The following ARHGAP40 variants were observed in gnomAD, a reference collection of about 807,000 sequenced individuals.
ARHGAP40 encodes the protein Rho GTPase activating protein 40.
ARHGAP40 carries 43 observed loss-of-function variants against 73.5 expected under a neutral mutation model. The observed-to-expected ratio is 0.58, with a 90% CI of 0.46 to 0.75. The LOEUF (loss-of-function observed/expected upper bound fraction) is 0.75, where lower values mean the gene tolerates loss of function less well. Among genes scored for constraint, ARHGAP40 ranks in the 30% least tolerant of loss-of-function variants. The pLI is 0.00. For synonymous variants in ARHGAP40, 300 were observed against 352.8 expected, an observed-to-expected ratio of 0.85 and a Z score of 1.68; for missense variants, 734 against 861.8, an observed-to-expected ratio of 0.85 and a Z score of 1.86.
chr20:38,637,009 G>A (rs766347148), intron 6 of ARHGAP40, among the ~76,000 whole-genome samples: 2 of 152,156 alleles, frequency 1.3e-5, no homozygotes, highest in African/African-American at 2.4e-5. Flanking sequence ...CTCAAGCCAG[G>A]GTGGTTAAGA....
intron 1 of ARHGAP40, among the ~76,000 whole-genome samples, chr20:38,616,741 C>T (rs2088841909): frequency 6.6e-6 from 1 of 152,128 alleles, no homozygotes; most frequent in African/African-American, 2.4e-5. Flanking sequence ...GTTTCTCAGC[C>T]AGAATGATGG....
intron 9 of ARHGAP40, among the ~76,000 whole-genome samples, chr20:38,640,156 CTTT>C (rs1568611166): frequency 1.5e-5 from 2 of 136,938 alleles, no homozygotes. Flanking sequence ...TCTTCCTCTT[CTTT>C]CTTCTTTCTT....
intron 1 of ARHGAP40, among the ~76,000 whole-genome samples, chr20:38,609,777 G>T (rs1214508023): frequency 6.6e-6 from 1 of 152,248 alleles, no homozygotes. Flanking sequence ...GTGCCTCTGA[G>T]AGGTACACGT....
intron 1 of ARHGAP40, among the ~76,000 whole-genome samples, chr20:38,622,611 A>G (rs373377386): frequency 6.6e-5 from 10 of 152,284 alleles, no homozygotes; most frequent in African/African-American, 2.4e-4. Flanking sequence ...TCAGGGCTCT[A>G]GGGGTAAACC....
intron 1 of ARHGAP40, among the ~76,000 whole-genome samples, chr20:38,621,726 C>T (rs1196261430): frequency 6.6e-6 from 1 of 152,160 alleles, no homozygotes; most frequent in Non-Finnish European, 1.5e-5. Context: ...ACAATAACTG[C>T]ATATTGATTT....
chr20:38,643,234 G>A (rs150887697), intron 10 of ARHGAP40, among the ~76,000 whole-genome samples: 6 of 152,188 alleles, frequency 3.9e-5, no homozygotes, highest in African/African-American at 1.4e-4. Flanking sequence ...TAAAGGCCCA[G>A]GAACACAAAG....
intron 1 of ARHGAP40, among the ~76,000 whole-genome samples, chr20:38,614,616 A>G (rs750726192): frequency 4.6e-5 from 7 of 152,162 alleles, no homozygotes; most frequent in African/African-American, 9.7e-5. Context: ...AGGAGACCCA[A>G]GCGGCTCTGC....
chr20:38,621,986 C>T (rs562382946), intron 1 of ARHGAP40, among the ~76,000 whole-genome samples: 95 of 152,158 alleles, frequency 6.2e-4, no homozygotes, highest in African/African-American at 2.2e-3. Flanking sequence ...GCCTGGGAGG[C>T]GGAGGTTGCC....
chr20:38,614,365 T>TC (rs1411964657), intron 1 of ARHGAP40, among the ~76,000 whole-genome samples: 64 of 152,318 alleles, frequency 4.2e-4, no homozygotes, highest in African/African-American at 1.5e-3. Context: ...TTTCTTTCTT[T>TC]TTTTTTGAGT....
intron 1 of ARHGAP40, among the ~76,000 whole-genome samples, chr20:38,612,260 A>G (rs2088808679): frequency 6.6e-6 from 1 of 152,244 alleles, no homozygotes; most frequent in Admixed American, 6.5e-5. Context: ...ATATATATTT[A>G]GATTTCATAA....
At chr20:38,604,823 A>G (rs1321788511) in intron 1 of ARHGAP40, among the ~76,000 whole-genome samples, 1 of 151,912 alleles carries the variant, frequency 6.6e-6, no homozygotes, top group East Asian at 1.9e-4. Flanking sequence ...GTTTTTTGTC[A>G]ACTAAAATTA....
chr20:38,635,056 AT>A (rs1463859518), intron 6 of ARHGAP40, among the ~76,000 whole-genome samples: 9 of 151,636 alleles, frequency 5.9e-5, no homozygotes, highest in Non-Finnish European at 1.0e-4. Context: ...TAATTTTTGT[AT>A]TTTTAGTACA....
chr20:38,629,515 G>A, exon 5 of ARHGAP40: 1 of 1,305,402 alleles, frequency 7.7e-7, no homozygotes, highest in Non-Finnish European at 1.0e-6. Context: ...CAGAGCCTGG[G>A]GGGCTGCAGG....
intron 11 of ARHGAP40, among the ~76,000 whole-genome samples, chr20:38,644,307 C>A (rs1042853911): frequency 3.3e-5 from 5 of 152,262 alleles, no homozygotes; most frequent in Non-Finnish European, 5.9e-5. Context: ...CTCCTGCCCC[C>A]ACCGTGAGCT....
exon 15 of ARHGAP40, chr20:38,650,242 G>T (rs1004367158): frequency 2.4e-6 from 1 of 420,514 alleles, no homozygotes; most frequent in Non-Finnish European, 4.9e-6. Flanking sequence ...CACTTGGGGC[G>T]CTTGGATCTC....
At position 38,639,317 on chromosome 20, in the gene ARHGAP40, AG is replaced by A. The variant is rs2088998747; in HGVS notation, c.1212del (p.Arg404SerfsTer28). 1 of 1,305,386 alleles carries A rather than the reference AG, an allele frequency of 7.7e-7. No homozygotes were observed. Among genetic ancestry groups the A allele is most frequent in the Admixed American group, 2.3e-5 (1 of 43,546 alleles). The allele number at this position is 1,305,386 out of a possible 1,614,324, so 80.9% of individuals were successfully genotyped here. A position where few individuals can be genotyped will look rare whatever the true frequency, so the allele number is the denominator to read the frequency against. ...CAATGACGCCTCTGATTTGCTCAAA[AG>A]GTTCATCCGGAAGCTGCCGACACCT... On this transcript the variant is annotated frameshift_variant, in exon 9 of 15. Transcript: ENST00000373345. LOFTEE classifies it high-confidence loss of function.
chr20:38,627,284 A>G (rs2088904116), intron 3 of ARHGAP40, 69 bp downstream of exon 3: 1 of 1,256,058 alleles, frequency 8.0e-7, no homozygotes, highest in African/African-American at 1.5e-5. Flanking sequence ...ACAGCCTGAG[A>G]GATGCAGTGA....
rs549710906 is a variant in ARHGAP40, at chr20:38,636,779, G to C, written c.950-929G>C. Among the ~76,000 whole-genome samples, 4 of 152,268 alleles carry C rather than the reference G, an allele frequency of 2.6e-5. No individual in the cohort carries two copies. In the East Asian group the frequency reaches 7.7e-4, roughly 29 times the overall value. ...TGAGATAATATTGCCCTTCAGCAGT[G>C]TATGAAAGTGTTCATTTCACTGCAG... On this transcript the variant is annotated intron_variant, in intron 6 of 14. Coordinates refer to ENST00000373345, the Ensembl canonical transcript of ARHGAP40.
intron 6 of ARHGAP40, among the ~76,000 whole-genome samples, chr20:38,636,591 T>C (rs1337945521): frequency 6.6e-6 from 1 of 152,158 alleles, no homozygotes; most frequent in African/African-American, 2.4e-5. Flanking sequence ...ACTGCACTAT[T>C]TTCCTCCTCG....
Sources: gnomAD v4.1 joint callset for allele counts (sites outside exome capture counted in the v4.1 genomes callset) on GRCh38, gnomAD v4.1.1 for gene constraint, MANE v1.5 for transcripts, NCBI Gene and HGNC (gene_info 2026-07-23, HGNC 2026-07-21) for gene names.